The following PHACTR3 variants were observed in gnomAD, a reference collection of about 807,000 sequenced individuals.
PHACTR3 encodes the protein protein phosphatase 1, regulatory subunit 123.
A neutral mutation model predicts 66.8 loss-of-function variants in PHACTR3; 16 were observed. The observed-to-expected ratio is 0.24, with a 90% confidence interval of 0.16 to 0.36. PHACTR3 has a LOEUF of 0.36. Among genes scored for constraint, PHACTR3 ranks in the 10% least tolerant of loss-of-function variants. The probability of loss-of-function intolerance (pLI) is 1.00; values close to 1 mark genes in which losing one functional copy is unlikely to be tolerated. For missense variants in PHACTR3, 647 were observed against 719.9 expected (o/e 0.90, Z 1.16); for synonymous variants, 323 against 292.1 (o/e 1.11, Z -1.08).
intron 1 of PHACTR3, among the ~76,000 whole-genome samples, chr20:59,579,202 G>C (rs1181449132): frequency 6.6e-6 from 1 of 152,352 alleles, no homozygotes; most frequent in East Asian, 1.9e-4. Flanking sequence ...CCCATGTTCT[G>C]CCTGCAGTAA....
At chr20:59,587,753 C>CGGGGCT (rs370655205) in intron 1 of PHACTR3, among the ~76,000 whole-genome samples, 2,229 of 151,120 alleles carry the variant, frequency 0.015, 62 homozygotes, top group African/African-American at 0.049. Context: ...GGGCTGGAGC[C>CGGGGCT]GGGGCTGGGG....
intron 1 of PHACTR3, among the ~76,000 whole-genome samples, chr20:59,706,528 G>C (rs2037706385): frequency 1.3e-5 from 2 of 152,244 alleles, no homozygotes; most frequent in Admixed American, 6.5e-5. Context: ...CCAGAGAACA[G>C]ACCATGCATT....
chr20:59,589,251 A>T (rs1418942), intron 1 of PHACTR3, among the ~76,000 whole-genome samples: 2 of 152,108 alleles, frequency 1.3e-5, no homozygotes, highest in African/African-American at 2.4e-5. Flanking sequence ...CTCAGGGCGA[A>T]GGCCGGTGAG....
intron 1 of PHACTR3, among the ~76,000 whole-genome samples, chr20:59,645,098 A>G (rs2035236407): frequency 6.6e-6 from 1 of 152,024 alleles, no homozygotes; most frequent in African/African-American, 2.4e-5. Context: ...GCTCCCACTC[A>G]TGAGTGAGAA....
intron 1 of PHACTR3, among the ~76,000 whole-genome samples, chr20:59,740,996 G>C (rs188848675): frequency 4.3e-4 from 66 of 152,354 alleles, no homozygotes; most frequent in Non-Finnish European, 7.6e-4. Flanking sequence ...CCTTCCCTGG[G>C]TCTGAGGGGC....
chr20:59,667,840 G>A, intron 1 of PHACTR3, among the ~76,000 whole-genome samples: 1 of 152,198 alleles, frequency 6.6e-6, no homozygotes, highest in East Asian at 1.9e-4. Flanking sequence ...AGGTGTGTGT[G>A]ATGGCCATTC....
chr20:59,844,456 T>A (rs569903467), intron 11 of PHACTR3: 1 of 152,246 alleles, frequency 6.6e-6, no homozygotes, highest in East Asian at 1.9e-4. Flanking sequence ...AGTGCGTGTA[T>A]ATATGTATAT....
At chr20:59,705,125 T>G (rs936550790) in intron 1 of PHACTR3, among the ~76,000 whole-genome samples, 1 of 151,940 alleles carries the variant, frequency 6.6e-6, no homozygotes, top group Non-Finnish European at 1.5e-5. Flanking sequence ...CCCAGCTAAT[T>G]TTTGTATTTT....
At chr20:59,842,177 GTCAGTTCTTGTCTGTGA>G (rs2059076216) in intron 11 of PHACTR3, among the ~76,000 whole-genome samples, 1 of 152,176 alleles carries the variant, frequency 6.6e-6, no homozygotes, top group African/African-American at 2.4e-5. Context: ...CACAGAGAGG[GTCAGTTCTTGTCTGTGA>G]TCAAACACTT....
rs756452241 is a variant in PHACTR3, at chr20:59,755,303, T to A, written c.480T>A (p.Thr160=). The change falls in exon 4 of 13, where the codon ACT becomes ACA. Residue 160 remains threonine, a synonymous_variant. Coordinates refer to ENST00000371015, the MANE Select transcript of PHACTR3 (RefSeq NM_080672.5). ...EDAQPGSPLA[T]GTDQVSLDKP... ...CCCAGCCCGGAAGCCCCTTGGCCAC[T>A]GGGACGGACCAGGTCTCCCTGGACA... 23 of 1,612,392 alleles carry A rather than the reference T, an allele frequency of 1.4e-5. No homozygotes were observed. The highest frequency in any genetic ancestry group is 1.8e-5 in the Non-Finnish European group (21 of 1,179,780).
chr20:59,764,155 A>G (rs1185251779), intron 4 of PHACTR3, among the ~76,000 whole-genome samples: 1 of 152,126 alleles, frequency 6.6e-6, no homozygotes, highest in Non-Finnish European at 1.5e-5. Flanking sequence ...TATCTAGTGA[A>G]GTCTTATGTG....
At chr20:59,725,401 C>A (rs1007970177) in intron 1 of PHACTR3, among the ~76,000 whole-genome samples, 1 of 151,408 alleles carries the variant, frequency 6.6e-6, no homozygotes, top group Non-Finnish European at 1.5e-5. Context: ...GAGCCCAGAT[C>A]GGTATGAGCT....
At chr20:59,642,451 TG>T (rs2035140735) in intron 1 of PHACTR3, among the ~76,000 whole-genome samples, 1 of 150,840 alleles carries the variant, frequency 6.6e-6, no homozygotes, top group Admixed American at 6.6e-5. Context: ...TGGCTACTTT[TG>T]TGTGTGTTCC....
chr20:59,729,020 G>A lies in PHACTR3; in HGVS notation c.119-14087G>A, dbSNP rs548652864. ...CTTGAGGGGCTGCTTACTAGGATCC[G>A]GAGGTGGGGATGAGCCTGGGGAGGC... On this transcript the variant is annotated intron_variant, in intron 1 of 12. Transcript: ENST00000371015. Among the ~76,000 whole-genome samples, 256 of 152,270 alleles carry A rather than the reference G, an allele frequency of 1.7e-3. 3 individuals are homozygous for A. The highest frequency in any genetic ancestry group is 3.5e-3 in the Admixed American group (54 of 15,298).
At chr20:59,739,323 T>C (rs1469335454) in intron 1 of PHACTR3, among the ~76,000 whole-genome samples, 1 of 152,154 alleles carries the variant, frequency 6.6e-6, no homozygotes, top group Non-Finnish European at 1.5e-5. Flanking sequence ...ACACAGCACC[T>C]AGCACAGTTA....
chr20:59,741,520 C>T (rs2039162795), intron 1 of PHACTR3, among the ~76,000 whole-genome samples: 1 of 152,112 alleles, frequency 6.6e-6, no homozygotes, highest in African/African-American at 2.4e-5. Flanking sequence ...TATTCTCAGT[C>T]CTGCCTGGGT....
chr20:59,692,551 C>T (rs1167360341), intron 1 of PHACTR3, among the ~76,000 whole-genome samples: 2 of 152,160 alleles, frequency 1.3e-5, no homozygotes, highest in Non-Finnish European at 2.9e-5. Context: ...GGACAATGTG[C>T]CCAATACCAT....
At chr20:59,751,218 C>T (rs895868051) in intron 3 of PHACTR3, among the ~76,000 whole-genome samples, 1 of 152,130 alleles carries the variant, frequency 6.6e-6, no homozygotes, top group Non-Finnish European at 1.5e-5. Flanking sequence ...GGTTAAGGAA[C>T]CGGCTTCAGC....
upstream of PHACTR3, among the ~76,000 whole-genome samples, chr20:59,599,621 C>T (rs937337954): frequency 2.0e-5 from 3 of 152,284 alleles, no homozygotes; most frequent in African/African-American, 2.4e-5. Context: ...ATCACACCCA[C>T]CCTGTTGTCA....
Sources: gnomAD v4.1 joint callset for allele counts (sites outside exome capture counted in the v4.1 genomes callset) on GRCh38, gnomAD v4.1.1 for gene constraint, MANE v1.5 for transcripts, NCBI Gene and HGNC (gene_info 2026-07-23, HGNC 2026-07-21) for gene names.